Variants in STOX2 observed in about 807,000 individuals in gnomAD.
STOX2 encodes storkhead box 2, also known as storkhead-box protein 2.
STOX2 carries 28 observed loss-of-function variants against 60.9 expected under a neutral mutation model. The ratio of observed to expected loss-of-function variants is 0.46; its 90% CI spans 0.34 to 0.63. The LOEUF is 0.63. Ranked by LOEUF, STOX2 falls within the 30% of genes least tolerant of loss-of-function variation. The pLI, the probability that STOX2 is intolerant of heterozygous loss-of-function variation, is 0.01. For missense variants in STOX2, 1,024 were observed against 1,187.7 expected, an observed-to-expected ratio of 0.86 and a Z score of 2.03; for synonymous variants, 472 against 463.9, an observed-to-expected ratio of 1.02 and a Z score of -0.22.
At chr4:183,972,781 T>G (rs1430166718) in intron 1 of STOX2, among the ~76,000 whole-genome samples, 1 of 152,202 alleles carries the variant, frequency 6.6e-6, no homozygotes. Context: ...ATAATCTCAA[T>G]TTGTATGTGA....
chr4:183,813,251 C>T (rs979051972), intron 1 of STOX2, among the ~76,000 whole-genome samples: 4 of 152,032 alleles, frequency 2.6e-5, no homozygotes, highest in Admixed American at 6.6e-5. Flanking sequence ...GGCAAGGTGG[C>T]GGGCACCTGT....
chr4:183,892,445 ATT>A lies in STOX2; in HGVS notation c.364+94397_364+94398del, dbSNP rs370340201. ...GGGCGCCCGCCACCACGCCCGGCTA[ATT>A]TTTTTTGTATTTTTAGTAGAGACGG... On this transcript the variant is annotated intron_variant, in intron 1 of 2. Transcript: ENST00000513034. Among the ~76,000 whole-genome samples the A allele has an allele frequency of 1.9e-4, 29 of 151,238 alleles. No individual in the cohort carries two copies. In the South Asian group the frequency reaches 5.4e-3, roughly 28 times the overall value.
rs1411681941 is a variant in STOX2, at chr4:184,021,789, C to A, written c.*4505C>A. The A allele has an allele frequency of 6.6e-6, 1 of 152,208 alleles. No individual in the cohort carries two copies. The highest frequency in any genetic ancestry group is 1.5e-5 in the Non-Finnish European group (1 of 68,064). 9.4% of individuals were successfully genotyped at this position (152,208 alleles called of 1,614,324 possible). A position where few individuals can be genotyped will look rare whatever the true frequency, so the allele number is the denominator to read the frequency against. ...AGCTGGATTTCTGAGGGAGCTGATC[C>A]AGTTCTAAGTGTCTTCTCGAATTAG... On this transcript the variant is annotated 3_prime_UTR_variant, in exon 4 of 4. Coordinates refer to ENST00000308497, the MANE Select transcript of STOX2 (RefSeq NM_020225.3).
rs1733605554 is a variant in STOX2, at chr4:184,001,761, A to G, written c.319+284A>G. On this transcript the variant is annotated intron_variant, in intron 2 of 3. Coordinates refer to ENST00000308497, the MANE Select transcript of STOX2 (RefSeq NM_020225.3). The surrounding 1 kb of genome is among the most constrained non-coding windows in gnomAD (Gnocchi z 4.2). ...GGCAAGAATGACCAGGACTCCAGTCAGTCTTTGCAAACTAATCTTTAAATA... is the reference window on the plus strand; with the variant it reads ...GGCAAGAATGACCAGGACTCCAGTCGGTCTTTGCAAACTAATCTTTAAATA... 6.6e-6 allele frequency among the ~76,000 whole-genome samples: 1 copy of G among 152,156 alleles called. No homozygotes were observed. Among genetic ancestry groups the G allele is most frequent in the Non-Finnish European group, 1.5e-5 (1 of 68,020 alleles).
chr4:183,977,506 A>T (rs757759404), intron 1 of STOX2, among the ~76,000 whole-genome samples: 1 of 143,254 alleles, frequency 7.0e-6, no homozygotes, highest in Admixed American at 7.1e-5. Context: ...ATGCAAAAGC[A>T]TGATTTAATT....
chr4:183,852,541 G>C (rs1312219728), intron 1 of STOX2, among the ~76,000 whole-genome samples: 8 of 147,034 alleles, frequency 5.4e-5, no homozygotes, highest in East Asian at 4.1e-4. Context: ...ATGAGGGAAA[G>C]GATGAGGGAA....
chr4:183,981,447 G>T (rs557666927), intron 1 of STOX2, among the ~76,000 whole-genome samples: 1 of 151,510 alleles, frequency 6.6e-6, no homozygotes, highest in African/African-American at 2.4e-5. Context: ...ATACACTCAG[G>T]CATGTTTTAA....
At chr4:183,967,752 G>A (rs1362273147) in intron 1 of STOX2, among the ~76,000 whole-genome samples, 1 of 152,182 alleles carries the variant, frequency 6.6e-6, no homozygotes, top group Admixed American at 6.5e-5. Context: ...GGATTAAAAA[G>A]ATCATCAACT....
chr4:184,013,773 T>G (rs1734252299), intron 3 of STOX2, among the ~76,000 whole-genome samples: 1 of 152,208 alleles, frequency 6.6e-6, no homozygotes, highest in Non-Finnish European at 1.5e-5. Context: ...TTACCATTGC[T>G]GCGAGACATG....
chr4:183,884,009 C>A (rs890520984), intron 1 of STOX2, among the ~76,000 whole-genome samples: 1 of 152,046 alleles, frequency 6.6e-6, no homozygotes, highest in East Asian at 1.9e-4. Flanking sequence ...CCCGCCACCA[C>A]GCCCGGCTAA....
intron 1 of STOX2, among the ~76,000 whole-genome samples, chr4:183,951,725 G>A (rs1486023671): frequency 6.6e-6 from 1 of 151,990 alleles, no homozygotes; most frequent in East Asian, 1.9e-4. Context: ...AGATCACAAG[G>A]TCAGGAGTTC....
intron 1 of STOX2, among the ~76,000 whole-genome samples, chr4:183,980,834 T>C (rs1732635588): frequency 6.6e-6 from 1 of 152,178 alleles, no homozygotes; most frequent in South Asian, 2.1e-4. Flanking sequence ...ATGGCAGTCT[T>C]TGCCACCTTC....
chr4:183,920,767 C>A (rs779819535), intron 1 of STOX2, among the ~76,000 whole-genome samples: 8 of 152,094 alleles, frequency 5.3e-5, no homozygotes, highest in Non-Finnish European at 1.2e-4. Context: ...ATTGTAATGC[C>A]GTTGTGAGCT....
chr4:183,893,170 ACGG>A (rs1741265757), intron 1 of STOX2, among the ~76,000 whole-genome samples: 1 of 146,844 alleles, frequency 6.8e-6, no homozygotes, highest in East Asian at 2.0e-4. Flanking sequence ...GTTCTTTCTC[ACGG>A]TTTCTAATTC....
At chr4:183,915,421 CT>C (rs70959158) in intron 1 of STOX2, among the ~76,000 whole-genome samples, 407 of 146,318 alleles carry the variant, frequency 2.8e-3, no homozygotes, top group Non-Finnish European at 4.1e-3. Context: ...GGGTATTTGT[CT>C]TTTTTTTTTT....
intron 1 of STOX2, among the ~76,000 whole-genome samples, chr4:183,957,936 A>G (rs1032077717): frequency 6.6e-6 from 1 of 150,844 alleles, no homozygotes; most frequent in African/African-American, 2.4e-5. Flanking sequence ...GGGATGGTAG[A>G]ATGGTATTTA....
intron 1 of STOX2, among the ~76,000 whole-genome samples, chr4:183,841,618 C>A (rs550362055): frequency 6.6e-6 from 1 of 152,082 alleles, no homozygotes; most frequent in Non-Finnish European, 1.5e-5. Context: ...TTGTAAGTTG[C>A]CTTGCTCACT....
intron 1 of STOX2, among the ~76,000 whole-genome samples, chr4:183,960,100 A>G (rs549982591): frequency 2.6e-5 from 4 of 152,326 alleles, no homozygotes; most frequent in East Asian, 1.9e-4. Flanking sequence ...AGCAGCTGGG[A>G]TGTGTTGTCA....
chr4:183,951,179 C>T (rs1362853903), intron 1 of STOX2, among the ~76,000 whole-genome samples: 1 of 148,372 alleles, frequency 6.7e-6, no homozygotes, highest in East Asian at 2.0e-4. Flanking sequence ...CGCGCCACTG[C>T]ACTCCAGCCT....
Sources: gnomAD v4.1 joint callset for allele counts (sites outside exome capture counted in the v4.1 genomes callset) on GRCh38, gnomAD v4.1.1 for gene constraint, Gnocchi (gnomAD v3.1) non-coding constraint, MANE v1.5 for transcripts, NCBI Gene and HGNC (gene_info 2026-07-23, HGNC 2026-07-21) for gene names.